The following FMN1 variants were observed in gnomAD, a reference collection of about 807,000 sequenced individuals.
FMN1 encodes the protein formin 1.
FMN1 carries 110 observed loss-of-function variants against 132.4 expected under a neutral mutation model. That is an observed-to-expected ratio of 0.83 (90% CI 0.71 to 0.97). FMN1 has a LOEUF of 0.97. FMN1 is among the 50% of genes least tolerant of loss of function. FMN1 has a pLI of 0.00. For synonymous variants in FMN1, 722 were observed against 651.7 expected (o/e 1.11, Z -1.64); for missense variants, 1,792 against 1,705.3 (o/e 1.05, Z -0.90).
intron 7 of FMN1, among the ~76,000 whole-genome samples, chr15:32,978,173 G>T (rs2032365286): frequency 6.6e-6 from 1 of 152,150 alleles, no homozygotes; most frequent in Middle Eastern, 3.4e-3. Context: ...ATTTTGAAAG[G>T]TGATAGTTAA....
intron 7 of FMN1, among the ~76,000 whole-genome samples, chr15:32,986,106 T>G (rs1381016315): frequency 6.6e-6 from 1 of 152,218 alleles, no homozygotes; most frequent in East Asian, 1.9e-4. Context: ...TTCTTTGTGG[T>G]GGCAAGGCTC....
intron 4 of FMN1, among the ~76,000 whole-genome samples, chr15:33,115,048 C>T (rs141610093): frequency 1.3e-5 from 2 of 152,268 alleles, no homozygotes; most frequent in Admixed American, 1.3e-4. Context: ...CTTCATCTAT[C>T]AATCAGTCAA....
intron 7 of FMN1, among the ~76,000 whole-genome samples, chr15:32,976,560 T>C (rs1035445608): frequency 6.6e-6 from 1 of 152,152 alleles, no homozygotes; most frequent in African/African-American, 2.4e-5. Context: ...CAAAAGCTGG[T>C]TTTAATTAAC....
At chr15:33,062,085 AAAAT>A (rs2037510281) in intron 6 of FMN1, among the ~76,000 whole-genome samples, 1 of 152,192 alleles carries the variant, frequency 6.6e-6, no homozygotes, top group Non-Finnish European at 1.5e-5. Context: ...GATAAAAAGT[AAAAT>A]AACAGTTTCA....
intron 6 of FMN1, among the ~76,000 whole-genome samples, chr15:33,014,838 A>G (rs116225976): frequency 0.014 from 2,100 of 152,340 alleles, 56 homozygotes; most frequent in African/African-American, 0.048. Flanking sequence ...AGATGATTCC[A>G]CAAACACAGA....
intron 12 of FMN1, among the ~76,000 whole-genome samples, chr15:32,905,625 G>C (rs1450316147): frequency 6.6e-6 from 1 of 152,216 alleles, no homozygotes; most frequent in African/African-American, 2.4e-5. Flanking sequence ...TCTGGCACTG[G>C]AGTGTAAGAG....
chr15:32,925,197 TCCTC>T (rs1165619945), intron 10 of FMN1, among the ~76,000 whole-genome samples: 1 of 152,164 alleles, frequency 6.6e-6, no homozygotes, highest in Non-Finnish European at 1.5e-5. Context: ...AGGAAAGTAT[TCCTC>T]CCTAGAAGTA....
At chr15:33,118,370 T>TA (rs2040009102) in intron 4 of FMN1, among the ~76,000 whole-genome samples, 1 of 151,710 alleles carries the variant, frequency 6.6e-6, no homozygotes, top group Non-Finnish European at 1.5e-5. Context: ...AGGGGCATAC[T>TA]AAGAAGTCCA....
chr15:33,148,498 C>T (rs965776489), intron 4 of FMN1, among the ~76,000 whole-genome samples: 2 of 152,208 alleles, frequency 1.3e-5, no homozygotes, highest in African/African-American at 4.8e-5. Flanking sequence ...GGCTCCTTTA[C>T]ACTCTGCTTT....
At chr15:32,977,114 A>C (rs1177560326) in intron 7 of FMN1, among the ~76,000 whole-genome samples, 1 of 152,226 alleles carries the variant, frequency 6.6e-6, no homozygotes, top group African/African-American at 2.4e-5. Context: ...TTAATTAGTA[A>C]AACTACATTC....
At chr15:33,077,312 A>G (rs113732352) in intron 5 of FMN1, among the ~76,000 whole-genome samples, 4,630 of 149,512 alleles carry the variant, frequency 0.031, 234 homozygotes, top group African/African-American at 0.11. Flanking sequence ...TGGGATTACA[A>G]GTGTGAGCCA....
At chr15:33,037,550 C>T (rs1335085651) in intron 6 of FMN1, among the ~76,000 whole-genome samples, 1 of 152,124 alleles carries the variant, frequency 6.6e-6, no homozygotes, top group Non-Finnish European at 1.5e-5. Flanking sequence ...CTGGTTATAA[C>T]CACTGAAAAC....
At chr15:33,073,322 G>C (rs1351218877) in intron 5 of FMN1, among the ~76,000 whole-genome samples, 1 of 152,210 alleles carries the variant, frequency 6.6e-6, no homozygotes, top group Non-Finnish European at 1.5e-5. Context: ...ATTGCTTCTA[G>C]CTTCCCAAAG....
At chr15:33,058,719 G>T (rs1051920391) in intron 6 of FMN1, among the ~76,000 whole-genome samples, 1 of 152,100 alleles carries the variant, frequency 6.6e-6, no homozygotes, top group Admixed American at 6.5e-5. Context: ...TATTGTTCAG[G>T]TCCACTCACT....
intron 14 of FMN1, 84 bp downstream of exon 14, chr15:32,899,895 C>T: frequency 7.3e-7 from 1 of 1,363,028 alleles, no homozygotes; most frequent in South Asian, 1.3e-5. Context: ...ATAAATGGAA[C>T]AATCTGGAAT....
At chr15:32,891,593 C>T (rs189673774) in intron 15 of FMN1, among the ~76,000 whole-genome samples, 21 of 152,082 alleles carry the variant, frequency 1.4e-4, no homozygotes, top group African/African-American at 5.1e-4. Context: ...GGAGACTGCA[C>T]TGAATTTGTA....
chr15:32,789,825 T>A (rs1466967851), intron 19 of FMN1, among the ~76,000 whole-genome samples: 4 of 152,188 alleles, frequency 2.6e-5, no homozygotes, highest in African/African-American at 9.7e-5. Context: ...TGTGTTTAGA[T>A]ATGTTTAGAT....
intron 9 of FMN1, among the ~76,000 whole-genome samples, chr15:32,945,336 AG>A (rs1261260407): frequency 3.3e-5 from 5 of 152,180 alleles, no homozygotes; most frequent in African/African-American, 9.7e-5. Flanking sequence ...GTACTCATTT[AG>A]GAAGTATTGG....
intron 6 of FMN1, among the ~76,000 whole-genome samples, chr15:33,058,243 T>C (rs1241786325): frequency 1.3e-5 from 2 of 152,072 alleles, no homozygotes; most frequent in Non-Finnish European, 2.9e-5. Flanking sequence ...GCCACCTGGA[T>C]AGAAATTATG....
Sources: allele counts gnomAD v4.1 joint callset (sites outside exome capture counted in the v4.1 genomes callset), GRCh38; gene constraint gnomAD v4.1.1; transcripts MANE v1.5; gene names NCBI Gene and HGNC (gene_info 2026-07-23, HGNC 2026-07-21).